The following SH3RF3 variants were observed in gnomAD, a reference collection of about 807,000 sequenced individuals.
SH3RF3 encodes E3 ubiquitin-protein ligase SH3RF3.
SH3RF3 carries 29 observed loss-of-function variants against 66.3 expected under a neutral mutation model. The ratio of observed to expected loss-of-function variants is 0.44; its 90% CI spans 0.33 to 0.60. The LOEUF is 0.60. SH3RF3 is among the 20% of genes least tolerant of loss of function. The pLI is 0.04. For synonymous variants in SH3RF3, 583 were observed against 532.0 expected, an observed-to-expected ratio of 1.10 and a Z score of -1.32; for missense variants, 1,194 against 1,190.9, an observed-to-expected ratio of 1.00 and a Z score of -0.04.
chr2:109,435,988 C>T (rs994199705), intron 6 of SH3RF3, among the ~76,000 whole-genome samples: 2 of 152,150 alleles, frequency 1.3e-5, no homozygotes, highest in Non-Finnish European at 2.9e-5. Context: ...GTGCAGAAAC[C>T]CTCACTCTGT....
intron 1 of SH3RF3, among the ~76,000 whole-genome samples, chr2:109,144,306 T>C (rs1284133315): frequency 1.3e-5 from 2 of 152,258 alleles, no homozygotes; most frequent in African/African-American, 4.8e-5. Context: ...CAATTTTTAT[T>C]TGTCTGTTAT....
chr2:109,409,312 C>T lies in SH3RF3; in HGVS notation c.1300-10227C>T, dbSNP rs900026572. 7.2e-5 allele frequency among the ~76,000 whole-genome samples: 11 copies of T among 152,310 alleles called. No individual in the cohort carries two copies. In the South Asian group the frequency reaches 2.3e-3, roughly 32 times the overall value. On this transcript the variant is annotated intron_variant, in intron 4 of 9. Transcript: ENST00000309415. ...GCAGCAAACGTTCTAAAGGAAGCAG[C>T]CAGATAGTAAATAATCTAGACTTTG...
rs567865566 is a variant in SH3RF3 at position 109,397,817 on chromosome 2, T to G, written c.946-773T>G. ...GGAGGGTTTATTCCCCGGTTGCTCATGGACTTGAACCTTCATGCCACCTTT... is the reference window on the plus strand; with the variant it reads ...GGAGGGTTTATTCCCCGGTTGCTCAGGGACTTGAACCTTCATGCCACCTTT... On this transcript the variant is annotated intron_variant, in intron 3 of 9. Transcript: ENST00000309415. Among the ~76,000 whole-genome samples the G allele has an allele frequency of 1.0e-3, 159 of 152,338 alleles. 1 individual carries two copies. The highest frequency in any genetic ancestry group is 1.7e-3 in the Non-Finnish European group (113 of 68,038).
chr2:109,338,862 C>T (rs1049018232), intron 1 of SH3RF3, among the ~76,000 whole-genome samples: 2 of 152,200 alleles, frequency 1.3e-5, no homozygotes, highest in Admixed American at 6.5e-5. Flanking sequence ...TAACTTTTGA[C>T]TCCCTCAAAC....
chr2:109,286,003 A>T (rs1681022048), intron 1 of SH3RF3, among the ~76,000 whole-genome samples: 1 of 152,156 alleles, frequency 6.6e-6, no homozygotes, highest in East Asian at 1.9e-4. Context: ...AAGCCAGGAC[A>T]CATCAGAGGC....
At chr2:109,301,995 C>G (rs1289879483) in intron 1 of SH3RF3, among the ~76,000 whole-genome samples, 1 of 152,322 alleles carries the variant, frequency 6.6e-6, no homozygotes, top group South Asian at 2.1e-4. Context: ...TCAGCATCTT[C>G]GTTGTGTGAC....
chr2:109,228,132 A>G (rs1679414752), intron 1 of SH3RF3, among the ~76,000 whole-genome samples: 1 of 152,170 alleles, frequency 6.6e-6, no homozygotes, highest in Non-Finnish European at 1.5e-5. Flanking sequence ...CTGTGTTTTC[A>G]TGCTGCAAAT....
At chr2:109,187,120 A>G (rs1425824400) in intron 1 of SH3RF3, among the ~76,000 whole-genome samples, 2 of 149,802 alleles carry the variant, frequency 1.3e-5, no homozygotes, top group Non-Finnish European at 3.0e-5. Flanking sequence ...CTCCAGAGCC[A>G]CAGGGTGAGG....
At position 109,387,195 on chromosome 2, in the gene SH3RF3, T is replaced by C. The variant is rs573719773; in HGVS notation, c.946-11395T>C. ...CAAATTTGAGATTGCGCTGTATCAG[T>C]ATTTCTGCCTGGCTTTTCTCATTAA... On this transcript the variant is annotated intron_variant, in intron 3 of 9. Transcript: ENST00000309415. 4.6e-5 allele frequency among the ~76,000 whole-genome samples: 7 copies of C among 152,348 alleles called. No homozygotes were observed. In the East Asian group the frequency reaches 1.3e-3, roughly 29 times the overall value.
intron 5 of SH3RF3, among the ~76,000 whole-genome samples, chr2:109,428,015 C>T (rs1677083425): frequency 6.6e-6 from 1 of 152,238 alleles, no homozygotes; most frequent in South Asian, 2.1e-4. Context: ...TTCCACAGGA[C>T]TTACCCAGCC....
intron 1 of SH3RF3, among the ~76,000 whole-genome samples, chr2:109,319,149 G>A (rs1012130907): frequency 4.6e-5 from 7 of 152,176 alleles, no homozygotes; most frequent in African/African-American, 1.7e-4. Flanking sequence ...ATGGGGGCAT[G>A]GCTTAGTAAC....
At chr2:109,143,708 C>T (rs1004228924) in intron 1 of SH3RF3, among the ~76,000 whole-genome samples, 14 of 152,150 alleles carry the variant, frequency 9.2e-5, no homozygotes, top group African/African-American at 2.9e-4. Context: ...GAGCCGTGAT[C>T]GCACCACTGC....
At chr2:109,481,960 G>A (rs140518375) in intron 8 of SH3RF3, among the ~76,000 whole-genome samples, 3 of 152,330 alleles carry the variant, frequency 2.0e-5, no homozygotes, top group African/African-American at 7.2e-5. Flanking sequence ...CCTACAAAAT[G>A]ACTGAAGCAG....
In SH3RF3 at chr2:109,328,649, G is replaced by T. The variant is rs568802292; in HGVS notation, c.574-19025G>T. Among the ~76,000 whole-genome samples, 8 of 152,256 alleles carry T rather than the reference G, an allele frequency of 5.3e-5. No homozygotes were observed. The East Asian group carries it at 1.5e-3, about 29-fold the overall frequency. On this transcript the variant is annotated intron_variant, in intron 1 of 9. Coordinates refer to ENST00000309415, the MANE Select transcript of SH3RF3 (RefSeq NM_001099289.3). ...TGCCTAGGTCATGGTACTGATATAG[G>T]AAGGGAATTCCAGAAACAGCGTGGG... is the stretch of plus-strand genomic sequence containing the variant.
At position 109,472,558 on chromosome 2, in the gene SH3RF3, C is replaced by T. The variant is rs557045660; in HGVS notation, c.2149-18047C>T. On this transcript the variant is annotated intron_variant, in intron 8 of 9. Coordinates refer to ENST00000309415, the MANE Select transcript of SH3RF3 (RefSeq NM_001099289.3). ...AGAAACCCCGATCCAATTGATGAAC[C>T]GACCTGCGGCTGCCTTCTGGTTGGA... Among the ~76,000 whole-genome samples the T allele has an allele frequency of 5.2e-4, 79 of 152,288 alleles. No individual in the cohort carries two copies. In the South Asian group the frequency reaches 0.015, roughly 30 times the overall value.
intron 1 of SH3RF3, 110 bp from the exon 2 acceptor site, chr2:109,347,564 C>A (rs1387039032): frequency 7.0e-7 from 1 of 1,430,436 alleles, no homozygotes. Flanking sequence ...TCTGTATGCA[C>A]CCCCAGGACA....
chr2:109,450,818 C>T (rs578089218), intron 8 of SH3RF3, among the ~76,000 whole-genome samples: 8 of 152,334 alleles, frequency 5.3e-5, no homozygotes, highest in South Asian at 2.1e-4. Flanking sequence ...GCTGCCTGAA[C>T]GGTTTAGGGA....
intron 1 of SH3RF3, among the ~76,000 whole-genome samples, chr2:109,323,072 T>C (rs1043418611): frequency 2.6e-5 from 4 of 152,212 alleles, no homozygotes; most frequent in Non-Finnish European, 5.9e-5. Flanking sequence ...GGAGGGAGCT[T>C]GCAGACTTTG....
At chr2:109,485,217 G>A (rs1008735602) in intron 8 of SH3RF3, among the ~76,000 whole-genome samples, 4 of 148,864 alleles carry the variant, frequency 2.7e-5, no homozygotes, top group Non-Finnish European at 4.5e-5. Context: ...GAATTAAGAC[G>A]GGAAATCTGT....
Sources: allele counts gnomAD v4.1 joint callset (sites outside exome capture counted in the v4.1 genomes callset), GRCh38; gene constraint gnomAD v4.1.1; transcripts MANE v1.5; gene names NCBI Gene and HGNC (gene_info 2026-07-23, HGNC 2026-07-21).